The following PSD3 variants were observed in gnomAD, a reference collection of about 807,000 sequenced individuals.
PSD3 encodes PH and SEC7 domain-containing protein 3.
In PSD3, 49 loss-of-function variants were observed where a neutral mutation model predicts 105.5. The observed-to-expected ratio is 0.46, with a 90% CI of 0.37 to 0.59. PSD3 has a LOEUF of 0.59. Among genes scored for constraint, PSD3 ranks in the 20% least tolerant of loss-of-function variants. The probability of loss-of-function intolerance (pLI) is 0.00; values close to 1 mark genes in which losing one functional copy is unlikely to be tolerated. For synonymous variants in PSD3, 557 were observed against 457.8 expected (o/e 1.22, Z -2.77); for missense variants, 1,561 against 1,263.8 (o/e 1.24, Z -3.57).
intron 4 of PSD3, among the ~76,000 whole-genome samples, chr8:18,806,061 A>C (rs1400816801): frequency 6.6e-6 from 1 of 152,208 alleles, no homozygotes; most frequent in Non-Finnish European, 1.5e-5. Context: ...TTCCCATTTC[A>C]TCACACACAA....
At chr8:19,041,422 G>C (rs1034291030) in intron 1 of PSD3, among the ~76,000 whole-genome samples, 1 of 152,140 alleles carries the variant, frequency 6.6e-6, no homozygotes, top group African/African-American at 2.4e-5. Flanking sequence ...CAAGGTAAAG[G>C]GATGCACTTT....
chr8:18,955,612 A>G (rs1038567173), intron 1 of PSD3, among the ~76,000 whole-genome samples: 1 of 152,146 alleles, frequency 6.6e-6, no homozygotes, highest in Non-Finnish European at 1.5e-5. Flanking sequence ...TAGAGGAGAC[A>G]ACATTGAGAT....
intron 1 of PSD3, among the ~76,000 whole-genome samples, chr8:19,003,847 C>G (rs749878490): frequency 1.3e-5 from 2 of 151,834 alleles, no homozygotes; most frequent in Non-Finnish European, 2.9e-5. Flanking sequence ...ATCTCCCTGG[C>G]GAGGGATGTT....
At chr8:18,568,722 ATACTTT>A (rs1801950626) in intron 14 of PSD3, among the ~76,000 whole-genome samples, 1 of 149,152 alleles carries the variant, frequency 6.7e-6, no homozygotes, top group Non-Finnish European at 1.5e-5. Flanking sequence ...TTTTTTTATT[ATACTTT>A]AAGTTTTCGG....
intron 4 of PSD3, among the ~76,000 whole-genome samples, chr8:18,862,668 T>C (rs1816537723): frequency 6.6e-6 from 1 of 151,618 alleles, no homozygotes; most frequent in Admixed American, 6.6e-5. Flanking sequence ...TATTTTAAAT[T>C]ATTCTTTTAA....
At chr8:18,587,402 C>T (rs1803276045) in intron 12 of PSD3, among the ~76,000 whole-genome samples, 1 of 143,158 alleles carries the variant, frequency 7.0e-6, no homozygotes. Flanking sequence ...TTTCGTGATA[C>T]CTTCATCATT....
At chr8:19,030,843 A>C (rs548459283) in intron 1 of PSD3, among the ~76,000 whole-genome samples, 1 of 152,284 alleles carries the variant, frequency 6.6e-6, no homozygotes, top group East Asian at 1.9e-4. Context: ...GAGCGATCCT[A>C]ATTTTGGTTA....
At chr8:18,766,626 T>A (rs973599887) in intron 8 of PSD3, among the ~76,000 whole-genome samples, 1 of 152,186 alleles carries the variant, frequency 6.6e-6, no homozygotes, top group Non-Finnish European at 1.5e-5. Flanking sequence ...GTGAAGGATC[T>A]GAGATTTACA....
chr8:19,072,323 G>T (rs1218350864), intron 1 of PSD3, among the ~76,000 whole-genome samples: 5 of 151,898 alleles, frequency 3.3e-5, no homozygotes, highest in African/African-American at 9.7e-5. Flanking sequence ...CTGAGCTCAC[G>T]TGATCCGCCC....
At chr8:18,925,313 T>G (rs567059421) in intron 2 of PSD3, among the ~76,000 whole-genome samples, 32 of 152,196 alleles carry the variant, frequency 2.1e-4, no homozygotes, top group African/African-American at 7.0e-4. Context: ...GAGGCTCACT[T>G]GAGCCCAGGA....
chr8:19,053,159 C>T (rs1828589848), intron 1 of PSD3, among the ~76,000 whole-genome samples: 1 of 152,014 alleles, frequency 6.6e-6, no homozygotes, highest in Non-Finnish European at 1.5e-5. Context: ...GACAGAAATC[C>T]CAAGTGTTAA....
chr8:18,889,724 A>G (rs376437950), intron 2 of PSD3, among the ~76,000 whole-genome samples: 20 of 152,118 alleles, frequency 1.3e-4, no homozygotes, highest in African/African-American at 4.8e-4. Flanking sequence ...GTAAGCATAA[A>G]CCTCTTTCAT....
intron 1 of PSD3, among the ~76,000 whole-genome samples, chr8:18,986,223 T>A (rs1016616168): frequency 6.6e-6 from 1 of 152,212 alleles, no homozygotes; most frequent in African/African-American, 2.4e-5. Flanking sequence ...ACTGCATTAA[T>A]GAATAGATAT....
chr8:18,934,671 T>C (rs1226482489), intron 2 of PSD3, among the ~76,000 whole-genome samples: 1 of 152,214 alleles, frequency 6.6e-6, no homozygotes, highest in Non-Finnish European at 1.5e-5. Context: ...TAAGTCACTA[T>C]AATCCCATTT....
intron 1 of PSD3, among the ~76,000 whole-genome samples, chr8:18,968,986 GA>G (rs1824463891): frequency 6.7e-6 from 1 of 149,008 alleles, no homozygotes; most frequent in Non-Finnish European, 1.5e-5. Flanking sequence ...CAATTCCAAA[GA>G]AAAAAGATTT....
intron 4 of PSD3, among the ~76,000 whole-genome samples, chr8:18,827,491 G>C (rs961307663): frequency 6.6e-6 from 1 of 152,174 alleles, no homozygotes; most frequent in South Asian, 2.1e-4. Context: ...AAGTGGGTAC[G>C]AAAAATGGCC....
intron 2 of PSD3, among the ~76,000 whole-genome samples, chr8:18,881,724 T>A (rs990719825): frequency 6.6e-6 from 1 of 152,232 alleles, no homozygotes; most frequent in African/African-American, 2.4e-5. Flanking sequence ...TGCCATTTTT[T>A]AGTAAAAGGT....
At chr8:18,821,696 CA>C (rs1586130509) in intron 4 of PSD3, among the ~76,000 whole-genome samples, 3 of 134,220 alleles carry the variant, frequency 2.2e-5, no homozygotes, top group Admixed American at 8.3e-5. Flanking sequence ...CACACACACA[CA>C]CACACACACA....
chr8:18,884,371 A>T (rs779876655), intron 2 of PSD3, among the ~76,000 whole-genome samples: 2 of 152,236 alleles, frequency 1.3e-5, no homozygotes, highest in Non-Finnish European at 2.9e-5. Context: ...ATAAAACAAG[A>T]GGATAATCTA....
Sources: gnomAD v4.1 joint callset for allele counts (sites outside exome capture counted in the v4.1 genomes callset) on GRCh38, gnomAD v4.1.1 for gene constraint, MANE v1.5 for transcripts, NCBI Gene and HGNC (gene_info 2026-07-23, HGNC 2026-07-21) for gene names.